ELF5: variants seen among roughly 807,000 people sequenced by gnomAD.
ELF5 encodes the protein ETS-related transcription factor Elf-5.
Under a neutral mutation model 38.2 loss-of-function variants are expected in ELF5, and 31 were observed. The observed-to-expected ratio is 0.81, with a 90% CI of 0.61 to 1.10. The LOEUF (loss-of-function observed/expected upper bound fraction) is 1.10. Among genes scored for constraint, ELF5 ranks in the 50% least tolerant of loss-of-function variants. ELF5 has a pLI of 0.00. For synonymous variants in ELF5, 121 were observed against 112.5 expected, an observed-to-expected ratio of 1.08 and a Z score of -0.48; for missense variants, 300 against 306.6, an observed-to-expected ratio of 0.98 and a Z score of 0.16.
chr11:34,482,347 A>C lies in ELF5; in HGVS notation c.475+84T>G. ...AGTAACTGGTCCAACTCAAACATTT[A>C]GTTTCAAAGCTTATTAAAGTAGATG... On this transcript the variant is annotated intron_variant, in intron 5 of 6. Coordinates refer to ENST00000257832, the MANE Select transcript of ELF5 (RefSeq NM_001422.4). 2.3e-6 allele frequency: 3 copies of C among 1,294,678 alleles called. No individual in the cohort carries two copies. The South Asian group carries it at 3.8e-5, about 16-fold the overall frequency. The allele number at this position is 1,294,678 out of a possible 1,614,324, so 80.2% of individuals were successfully genotyped here.
Position 34,493,557 on chromosome 11 carries a change from T to C in ELF5, c.277A>G (p.Thr93Ala), listed in dbSNP as rs1284610521. The C allele has an allele frequency of 6.2e-7, 1 of 1,614,228 alleles. No homozygotes were observed. Among genetic ancestry groups the C allele is most frequent in the South Asian group, 1.1e-5 (1 of 91,082 alleles). The change falls in exon 3 of 7, where the codon ACA becomes GCA. Residue 93 changes from threonine to alanine, a missense_variant. Physicochemically the swap from Thr to Ala is moderately conservative, Grantham distance 58. Transcript: ENST00000257832. ...GCTGCCTCGACGAACTCCTCCTGTG[T>C]CATGCTGCACAGCTGCAGGCCACTG... ...NISGLQLCSMTQEEFVEAAGL... is the reference protein window; with the variant it reads ...NISGLQLCSMAQEEFVEAAGL...
intron 3 of ELF5, chr11:34,493,109 A>C: frequency 5.0e-6 from 2 of 399,070 alleles, no homozygotes; most frequent in South Asian, 8.8e-5. Context: ...AGTCTATTTA[A>C]TTTTATTCCT....
chr11:34,490,361 G>A (rs1220078873), intron 3 of ELF5, among the ~76,000 whole-genome samples: 2 of 152,192 alleles, frequency 1.3e-5, no homozygotes, highest in African/African-American at 2.4e-5. Context: ...GGGGTCCAGG[G>A]CTGGGCTCTG....
At chr11:34,487,652 C>T (rs1850037042) in intron 4 of ELF5, among the ~76,000 whole-genome samples, 1 of 152,160 alleles carries the variant, frequency 6.6e-6, no homozygotes. Flanking sequence ...ATCCTGCTCT[C>T]GGCCTCAGCT....
chr11:34,480,696 C>T, intron 6 of ELF5, 76 bp downstream of exon 6: 6 of 1,500,306 alleles, frequency 4.0e-6, no homozygotes, highest in Non-Finnish European at 5.4e-6. Context: ...CCTGCAAAAA[C>T]AGTGTAATTT....
In ELF5 at chr11:34,480,227, G is replaced by C; in HGVS notation, c.759C>G (p.Asp253Glu). Residue 253 changes from aspartate to glutamate, a missense_variant, in exon 7 of 7, where the codon GAC becomes GAG. Asp to Glu is a conservative substitution (Grantham distance 45). Coordinates refer to ENST00000257832, the MANE Select transcript of ELF5 (RefSeq NM_001422.4). ...TGATGCCTGGAGCAGATCATAGCTTGTCTTCCTGCCACCCGTGTGCATTTT... is the reference window on the plus strand; with the variant it reads ...TGATGCCTGGAGCAGATCATAGCTTCTCTTCCTGCCACCCGTGTGCATTTT... ...FGKNAHGWQE[D>E]KL The C allele has an allele frequency of 6.2e-7, 1 of 1,613,870 alleles. No individual in the cohort carries two copies. Among genetic ancestry groups the C allele is most frequent in the Non-Finnish European group, 8.5e-7 (1 of 1,179,792 alleles).
intron 1 of ELF5, among the ~76,000 whole-genome samples, chr11:34,513,156 G>C (rs916153196): frequency 6.6e-6 from 1 of 152,226 alleles, no homozygotes; most frequent in African/African-American, 2.4e-5. Flanking sequence ...GGAGATGTCA[G>C]AGGGCAAATG....
intron 2 of ELF5, 71 bp from the exon 3 acceptor site, chr11:34,493,783 C>T (rs1564979696): frequency 7.4e-7 from 1 of 1,349,112 alleles, no homozygotes; most frequent in Non-Finnish European, 1.0e-6. Flanking sequence ...CTGAAGGATG[C>T]ATCAGTTAAG....
intron 2 of ELF5, among the ~76,000 whole-genome samples, chr11:34,494,685 A>G (rs532623167): frequency 9.2e-5 from 14 of 152,200 alleles, no homozygotes; most frequent in Admixed American, 2.0e-4. Context: ...GGGTGGACAT[A>G]AGGTATGGAA....
intron 6 of ELF5, 61 bp downstream of exon 6, chr11:34,480,711 C>T: frequency 3.9e-6 from 6 of 1,544,754 alleles, no homozygotes; most frequent in Non-Finnish European, 5.3e-6. Flanking sequence ...TAATTTTCTA[C>T]AGCCAGCCAT....
chr11:34,499,577 C>A (rs1436720229), intron 2 of ELF5, among the ~76,000 whole-genome samples: 1 of 152,192 alleles, frequency 6.6e-6, no homozygotes, highest in Non-Finnish European at 1.5e-5. Flanking sequence ...AGATATGCAG[C>A]AGAATGCAAA....
intron 3 of ELF5, chr11:34,492,659 T>G (rs1023751841): frequency 3.3e-5 from 5 of 152,226 alleles, no homozygotes; most frequent in Admixed American, 6.5e-5. Flanking sequence ...CCCTGAATCC[T>G]CTCAAAAAGC....
At chr11:34,480,728 T>C in intron 6 of ELF5, 44 bp downstream of exon 6, 1 of 1,596,948 alleles carries the variant, frequency 6.3e-7, no homozygotes, top group Non-Finnish European at 8.6e-7. Context: ...CCATTGTATA[T>C]AACTCTTCTT....
At chr11:34,489,982 T>TTGGG (rs1850119830) in intron 4 of ELF5, 27 bp downstream of exon 4, 1 of 1,613,396 alleles carries the variant, frequency 6.2e-7, no homozygotes, top group Admixed American at 1.7e-5. Flanking sequence ...TGACAGAGCC[T>TTGGG]TGGGTGGCTT....
chr11:34,503,338 T>A (rs1158207721), intron 2 of ELF5, among the ~76,000 whole-genome samples: 1 of 151,606 alleles, frequency 6.6e-6, no homozygotes, highest in Non-Finnish European at 1.5e-5. Context: ...TTTGTATTTT[T>A]TCGTAGAGAC....
intron 2 of ELF5, 118 bp from the exon 3 acceptor site, chr11:34,493,830 C>CTGGAGG: frequency 1.2e-6 from 1 of 849,146 alleles, no homozygotes; most frequent in Non-Finnish European, 1.8e-6. Context: ...GTTGAAAGGG[C>CTGGAGG]CTCCAGCCCT....
Position 34,480,940 on chromosome 11 carries a change from A to T in ELF5, c.503T>A (p.Phe168Tyr). Residue 168 changes from phenylalanine (F) to tyrosine (Y), a missense_variant, in exon 6 of 7, where the codon TTT becomes TAT. Coordinates refer to ENST00000257832, the MANE Select transcript of ELF5 (RefSeq NM_001422.4). Reference protein sequence around the residue: ...TSLQSSHLWEFVRDLLLSPEE... With the variant: ...TSLQSSHLWEYVRDLLLSPEE... ...AGGAGATAGAAGCAGGTCTCGTACA[A>T]ATTCCCATAGATGAGAACTTTGGAG... is the stretch of plus-strand genomic sequence containing the variant. The T allele has an allele frequency of 6.2e-7, 1 of 1,613,670 alleles. No homozygotes were observed. Among genetic ancestry groups the T allele is most frequent in the Non-Finnish European group, 8.5e-7 (1 of 1,179,872 alleles).
intron 2 of ELF5, among the ~76,000 whole-genome samples, chr11:34,498,557 A>C (rs546998584): frequency 6.6e-6 from 1 of 152,296 alleles, no homozygotes; most frequent in African/African-American, 2.4e-5. Flanking sequence ...AGTCTGTGTG[A>C]CTTTGTAAAA....
chr11:34,497,406 G>A (rs555861350), intron 2 of ELF5, among the ~76,000 whole-genome samples: 3 of 152,326 alleles, frequency 2.0e-5, no homozygotes, highest in South Asian at 4.1e-4. Flanking sequence ...CTCCTTTGAA[G>A]TCTGAAGTGG....
Sources: allele counts gnomAD v4.1 joint callset (sites outside exome capture counted in the v4.1 genomes callset), GRCh38; gene constraint gnomAD v4.1.1; transcripts MANE v1.5; gene names NCBI Gene and HGNC (gene_info 2026-07-23, HGNC 2026-07-21).